ARHGAP22: variants seen among roughly 807,000 people sequenced by gnomAD.
ARHGAP22 encodes the protein rho GTPase-activating protein 22.
In ARHGAP22, 48 loss-of-function variants were observed where a neutral mutation model predicts 59.1. The observed-to-expected ratio is 0.81, with a 90% CI of 0.64 to 1.03. The LOEUF (loss-of-function observed/expected upper bound fraction) is 1.03. ARHGAP22 is among the 50% of genes least tolerant of loss of function. ARHGAP22 has a pLI of 0.00. For missense variants in ARHGAP22, 1,015 were observed against 958.7 expected, an observed-to-expected ratio of 1.06 and a Z score of -0.78; for synonymous variants, 445 against 416.4, an observed-to-expected ratio of 1.07 and a Z score of -0.84.
At chr10:48,595,345 G>A (rs1056803636) in intron 1 of ARHGAP22, among the ~76,000 whole-genome samples, 13 of 152,178 alleles carry the variant, frequency 8.5e-5, no homozygotes, top group African/African-American at 3.1e-4. Context: ...CACTCTGGAG[G>A]GGCCGGGAAG....
At chr10:48,617,751 C>A (rs1028453911) in intron 1 of ARHGAP22, among the ~76,000 whole-genome samples, 6 of 151,986 alleles carry the variant, frequency 3.9e-5, no homozygotes, top group Non-Finnish European at 8.8e-5. Flanking sequence ...AGAAAGATTT[C>A]AAATAAACCT....
intron 1 of ARHGAP22, among the ~76,000 whole-genome samples, chr10:48,612,153 C>T (rs911564267): frequency 1.3e-5 from 2 of 152,012 alleles, no homozygotes; most frequent in African/African-American, 4.8e-5. Context: ...CATTTCCCCT[C>T]CTTTTGCATC....
chr10:48,618,345 G>A (rs1161116085), intron 1 of ARHGAP22, among the ~76,000 whole-genome samples: 7 of 151,988 alleles, frequency 4.6e-5, no homozygotes, highest in African/African-American at 9.7e-5. Flanking sequence ...TTCATTCCAT[G>A]AGCCTAGCTA....
chr10:48,517,364 G>C (rs2053388058), intron 3 of ARHGAP22, among the ~76,000 whole-genome samples: 1 of 152,164 alleles, frequency 6.6e-6, no homozygotes, highest in Non-Finnish European at 1.5e-5. Flanking sequence ...GCTGGCTGGG[G>C]GTGGGCGATA....
the ARHGAP22 span, chr10:48,436,128 A>T: frequency 6.6e-6 from 1 of 152,220 alleles, no homozygotes; most frequent in Non-Finnish European, 1.5e-5. Flanking sequence ...TGTGTAGGTG[A>T]TGTATCAAAT....
At chr10:48,524,596 C>T (rs542792367) in intron 3 of ARHGAP22, among the ~76,000 whole-genome samples, 1 of 152,258 alleles carries the variant, frequency 6.6e-6, no homozygotes, top group East Asian at 1.9e-4. Flanking sequence ...GGGAGACGCC[C>T]CCAACCCCAC....
chr10:48,627,302 G>A (rs748486738), intron 1 of ARHGAP22, among the ~76,000 whole-genome samples: 8 of 152,344 alleles, frequency 5.3e-5, no homozygotes, highest in South Asian at 4.1e-4. Context: ...CAAGTAGGAC[G>A]GAGTGTGGAT....
chr10:48,533,482 G>T (rs1331818342), intron 3 of ARHGAP22, among the ~76,000 whole-genome samples: 1 of 152,122 alleles, frequency 6.6e-6, no homozygotes. Flanking sequence ...ATTTTCTCAG[G>T]CTCTCAATTA....
chr10:48,503,260 G>A (rs945799689), intron 3 of ARHGAP22, among the ~76,000 whole-genome samples: 1 of 152,196 alleles, frequency 6.6e-6, no homozygotes, highest in Non-Finnish European at 1.5e-5. Flanking sequence ...GAGGGGTTGT[G>A]GGGACGAATG....
intron 2 of ARHGAP22, chr10:48,575,738 T>C (rs1303101417): frequency 2.0e-5 from 3 of 152,208 alleles, no homozygotes; most frequent in Non-Finnish European, 4.4e-5. Flanking sequence ...TAGAACATAA[T>C]GTTGCATCAG....
chr10:48,525,572 CAAAA>C (rs2054252697), intron 3 of ARHGAP22, among the ~76,000 whole-genome samples: 1 of 152,020 alleles, frequency 6.6e-6, no homozygotes, highest in South Asian at 2.1e-4. Context: ...GATTCTGTCT[CAAAA>C]CAAACAAACA....
At chr10:48,619,646 T>A (rs1414652932) in intron 1 of ARHGAP22, among the ~76,000 whole-genome samples, 1 of 152,198 alleles carries the variant, frequency 6.6e-6, no homozygotes, top group Non-Finnish European at 1.5e-5. Context: ...ATGTGATCTA[T>A]GTGCAGATAA....
At chr10:48,613,851 C>T (rs1028715126) in intron 1 of ARHGAP22, among the ~76,000 whole-genome samples, 1 of 152,208 alleles carries the variant, frequency 6.6e-6, no homozygotes, top group African/African-American at 2.4e-5. Context: ...AGATGTGAGT[C>T]TTTAAAGAGG....
At chr10:48,435,045 G>C in the ARHGAP22 span, 8 of 1,505,188 alleles carry the variant, frequency 5.3e-6, no homozygotes, top group African/African-American at 2.8e-5. Context: ...TGGGCCATCG[G>C]GGGGTGGGAG....
rs757212004 is a variant in ARHGAP22 at position 48,555,482 on chromosome 10, G to A, written c.303C>T (p.His101=). 2.5e-5 allele frequency: 41 copies of A among 1,614,166 alleles called. 1 individual carries two copies. The South Asian group carries it at 4.3e-4, about 17-fold the overall frequency. The change falls in exon 3 of 10, where the codon CAC becomes CAT. Residue 101 remains histidine (H), a synonymous_variant. Coordinates refer to ENST00000249601, the MANE Select transcript of ARHGAP22 (RefSeq NM_021226.4). ...LPPGPEDPGK[H]LFEISPGGAG... is the part of the protein sequence containing the mutation. ...GCCTACCTGGGCTGATCTCAAAGAG[G>A]TGCTTCCCTGGGTCCTCGGGGCCAG...
chr10:48,535,463 G>C (rs2055254813), intron 3 of ARHGAP22, among the ~76,000 whole-genome samples: 2 of 152,212 alleles, frequency 1.3e-5, no homozygotes, highest in South Asian at 4.1e-4. Context: ...TTTCTCAAGG[G>C]ATTTTAGGAG....
At chr10:48,589,362 T>A (rs566694419) in intron 1 of ARHGAP22, among the ~76,000 whole-genome samples, 28 of 152,174 alleles carry the variant, frequency 1.8e-4, no homozygotes, top group African/African-American at 5.5e-4. Context: ...ACTTCCTCCA[T>A]CCTCCCAAAT....
intron 4 of ARHGAP22, chr10:48,479,213 G>A: frequency 5.2e-6 from 1 of 193,490 alleles, no homozygotes. Context: ...CATTAAGCCT[G>A]CTTGGCCACT....
intron 3 of ARHGAP22, among the ~76,000 whole-genome samples, chr10:48,533,595 A>C (rs1166730337): frequency 6.6e-6 from 1 of 152,214 alleles, no homozygotes; most frequent in Non-Finnish European, 1.5e-5. Flanking sequence ...AAGTCAGTAA[A>C]CTTTCTCTAA....
Sources: gnomAD v4.1 joint callset for allele counts (sites outside exome capture counted in the v4.1 genomes callset) on GRCh38, gnomAD v4.1.1 for gene constraint, MANE v1.5 for transcripts, NCBI Gene and HGNC (gene_info 2026-07-23, HGNC 2026-07-21) for gene names.